Variants in BBX observed in about 807,000 individuals in gnomAD.
BBX encodes BBX high mobility group box domain containing, also known as HMG box transcription factor BBX.
Under a neutral mutation model 100.2 loss-of-function variants are expected in BBX, and 30 were observed. The observed-to-expected ratio is 0.30, with a 90% CI of 0.22 to 0.41. BBX has a LOEUF of 0.41. BBX is among the 10% of genes least tolerant of loss of function. The pLI, the probability that BBX is intolerant of heterozygous loss-of-function variation, is 1.00. For synonymous variants in BBX, 376 were observed against 388.1 expected, an observed-to-expected ratio of 0.97 and a Z score of 0.37; for missense variants, 1,023 against 1,129.8, an observed-to-expected ratio of 0.91 and a Z score of 1.35.
chr3:107,760,296 A>G (rs1274053627), intron 10 of BBX, among the ~76,000 whole-genome samples: 1 of 152,180 alleles, frequency 6.6e-6, no homozygotes, highest in Non-Finnish European at 1.5e-5. Flanking sequence ...AAGACAGCTT[A>G]CTCCTACACA....
chr3:107,765,996 TA>T (rs5851563), intron 10 of BBX, among the ~76,000 whole-genome samples: 95,373 of 151,996 alleles, frequency 0.63, 30,503 homozygotes, highest in East Asian at 0.93. Flanking sequence ...ATTTTCATAT[TA>T]GTAGACAAGA....
At chr3:107,540,706 C>A (rs780841178) in intron 2 of BBX, among the ~76,000 whole-genome samples, 2 of 152,164 alleles carry the variant, frequency 1.3e-5, no homozygotes, top group Non-Finnish European at 2.9e-5. Context: ...TATTACCCAT[C>A]AAGAATGTGG....
At chr3:107,739,055 A>C (rs1375015949) in intron 7 of BBX, among the ~76,000 whole-genome samples, 1 of 152,240 alleles carries the variant, frequency 6.6e-6, no homozygotes, top group Non-Finnish European at 1.5e-5. Context: ...AGGAATGATT[A>C]TGTCCACATC....
chr3:107,545,921 T>A (rs34325261), intron 2 of BBX, among the ~76,000 whole-genome samples: 2 of 152,210 alleles, frequency 1.3e-5, no homozygotes, highest in East Asian at 3.9e-4. Flanking sequence ...CTCTTACTAA[T>A]CCTCCTCACA....
intron 15 of BBX, among the ~76,000 whole-genome samples, chr3:107,796,339 C>A (rs1344997166): frequency 6.6e-6 from 1 of 152,182 alleles, no homozygotes; most frequent in Non-Finnish European, 1.5e-5. Flanking sequence ...ATATGATACA[C>A]CTTTCCATCT....
intron 8 of BBX, among the ~76,000 whole-genome samples, chr3:107,747,555 C>A (rs2064724973): frequency 6.6e-6 from 1 of 152,094 alleles, no homozygotes; most frequent in Non-Finnish European, 1.5e-5. Context: ...ATCACAGCTG[C>A]CTCTAACTAG....
chr3:107,590,273 A>G (rs1356927739), intron 2 of BBX, among the ~76,000 whole-genome samples: 4 of 152,140 alleles, frequency 2.6e-5, no homozygotes, highest in Non-Finnish European at 4.4e-5. Context: ...ATTGATATGT[A>G]GTGACTGTAC....
chr3:107,764,914 T>C (rs879870424), intron 10 of BBX, among the ~76,000 whole-genome samples: 1 of 152,234 alleles, frequency 6.6e-6, no homozygotes. Flanking sequence ...ACTACAGTGT[T>C]GATGAGTGCA....
intron 9 of BBX, among the ~76,000 whole-genome samples, chr3:107,754,305 G>A (rs1268648226): frequency 6.6e-6 from 1 of 152,150 alleles, no homozygotes; most frequent in African/African-American, 2.4e-5. Context: ...AATTCAGCAT[G>A]TCTAGAAAAG....
At chr3:107,747,753 C>T (rs113797859) in intron 8 of BBX, among the ~76,000 whole-genome samples, 2 of 151,784 alleles carry the variant, frequency 1.3e-5, no homozygotes, top group African/African-American at 2.4e-5. Flanking sequence ...GCAAATGAGC[C>T]ATACTCAGTC....
chr3:107,587,724 C>T (rs573771302), intron 2 of BBX, among the ~76,000 whole-genome samples: 52 of 152,220 alleles, frequency 3.4e-4, no homozygotes, highest in East Asian at 2.9e-3. Flanking sequence ...TCACTGGGTA[C>T]GCTAGACCAA....
intron 10 of BBX, among the ~76,000 whole-genome samples, chr3:107,763,794 T>G (rs768613084): frequency 1.3e-5 from 2 of 152,170 alleles, no homozygotes; most frequent in Non-Finnish European, 2.9e-5. Context: ...GTTCCATTTC[T>G]TCCTGCACAT....
intron 4 of BBX, among the ~76,000 whole-genome samples, chr3:107,714,709 A>G (rs1162781077): frequency 6.6e-6 from 1 of 152,124 alleles, no homozygotes; most frequent in East Asian, 1.9e-4. Context: ...GATGGCTATG[A>G]CCTCAAGATT....
Position 107,798,552 on chromosome 3 carries a change from G to A in BBX, c.2383G>A (p.Glu795Lys). ...AIFSEDRNTM[E>K]PVHKVKNIPS... ...ATTTTCAGAAGACAGAAACACCATG[G>A]AGCCTGTTCATAAGGTTAAAAATAT... The change falls in exon 16 of 18, where the codon GAG (glutamate) becomes AAG (lysine). Residue 795 changes from glutamate (E) to lysine (K), a missense_variant. Glu to Lys is a moderately conservative substitution (Grantham distance 56, BLOSUM62 1). Transcript: ENST00000325805. 1 of 1,613,956 alleles carries A rather than the reference G, an allele frequency of 6.2e-7. No homozygotes were observed.
chr3:107,715,574 G>T (rs934992429), intron 4 of BBX, among the ~76,000 whole-genome samples: 2 of 152,178 alleles, frequency 1.3e-5, no homozygotes, highest in Admixed American at 1.3e-4. Context: ...TAGTTACATT[G>T]TTTCTAAGAA....
chr3:107,669,470 G>A (rs1471215407), intron 3 of BBX, among the ~76,000 whole-genome samples: 2 of 152,008 alleles, frequency 1.3e-5, no homozygotes, highest in Non-Finnish European at 2.9e-5. Context: ...GAGGTGGGAA[G>A]GGGCACAAAA....
chr3:107,524,800 GGT>G (rs2047627817), intron 1 of BBX, among the ~76,000 whole-genome samples: 1 of 133,494 alleles, frequency 7.5e-6, no homozygotes, highest in African/African-American at 3.1e-5. Context: ...GTGGGGTGGA[GGT>G]GGGGGGGGGG....
chr3:107,715,605 C>T (rs2062045093), intron 4 of BBX, among the ~76,000 whole-genome samples: 1 of 152,050 alleles, frequency 6.6e-6, no homozygotes, highest in South Asian at 2.1e-4. Context: ...ATCATTTTTT[C>T]CTTAGAAAAT....
intron 2 of BBX, among the ~76,000 whole-genome samples, chr3:107,628,093 A>G (rs2056314871): frequency 6.6e-6 from 1 of 152,100 alleles, no homozygotes; most frequent in Non-Finnish European, 1.5e-5. Flanking sequence ...GGTGGTACCC[A>G]TGGCAATCAG....
Sources: gnomAD v4.1 joint callset for allele counts (sites outside exome capture counted in the v4.1 genomes callset) on GRCh38, gnomAD v4.1.1 for gene constraint, MANE v1.5 for transcripts, NCBI Gene and HGNC (gene_info 2026-07-23, HGNC 2026-07-21) for gene names.